B3GALT1: variants seen among roughly 807,000 people sequenced by gnomAD.
The protein encoded by B3GALT1 is beta-1,3-galactosyltransferase 1, also known as UDP-Gal:betaGlcNAc beta 1,3-galactosyltransferase, polypeptide 1.
A neutral mutation model predicts 23.2 loss-of-function variants in B3GALT1; 10 were observed. The observed-to-expected ratio is 0.43, with a 90% CI of 0.27 to 0.73. The LOEUF is 0.73. B3GALT1 is among the 30% of genes least tolerant of loss of function. B3GALT1 has a pLI of 0.21. For missense variants in B3GALT1, 299 were observed against 405.4 expected (o/e 0.74, Z 2.25); for synonymous variants, 156 against 141.5 (o/e 1.10, Z -0.73).
At chr2:167,405,034 G>A (rs1002620812) in intron 1 of B3GALT1, among the ~76,000 whole-genome samples, 9 of 152,116 alleles carry the variant, frequency 5.9e-5, no homozygotes, top group African/African-American at 1.9e-4. Context: ...ACTGCTGATT[G>A]TACATTTGTT....
intron 3 of B3GALT1, among the ~76,000 whole-genome samples, chr2:167,726,994 C>G (rs1687327042): frequency 6.6e-6 from 1 of 152,170 alleles, no homozygotes; most frequent in Admixed American, 6.5e-5. Context: ...AGGTGTAAAG[C>G]TATGTCATGA....
chr2:167,847,332 T>C (rs539177992), intron 4 of B3GALT1, among the ~76,000 whole-genome samples: 2 of 152,336 alleles, frequency 1.3e-5, no homozygotes, highest in South Asian at 4.1e-4. Context: ...GGTCATATGA[T>C]AGGCCATACA....
At chr2:167,690,794 A>C (rs1686700058) in intron 3 of B3GALT1, among the ~76,000 whole-genome samples, 1 of 152,128 alleles carries the variant, frequency 6.6e-6, no homozygotes, top group Admixed American at 6.6e-5. Context: ...TTTGATCTGA[A>C]GTAAGAATTA....
At chr2:167,681,274 C>G (rs1421993103) in intron 3 of B3GALT1, among the ~76,000 whole-genome samples, 2 of 151,854 alleles carry the variant, frequency 1.3e-5, no homozygotes, top group African/African-American at 4.8e-5. Flanking sequence ...TTAATCTATC[C>G]CAAAAATCTG....
chr2:167,793,125 A>G (rs1688476043), intron 3 of B3GALT1, among the ~76,000 whole-genome samples: 1 of 152,190 alleles, frequency 6.6e-6, no homozygotes, highest in Admixed American at 6.6e-5. Context: ...CAACTGAACA[A>G]GTCCACCAGG....
intron 4 of B3GALT1, among the ~76,000 whole-genome samples, chr2:167,825,437 GGTGTGTGT>G (rs111721100): frequency 1.4e-5 from 2 of 144,574 alleles, no homozygotes; most frequent in African/African-American, 5.2e-5. Context: ...TATATGCAGG[GGTGTGTGT>G]GTGTGTGTGT....
intron 1 of B3GALT1, among the ~76,000 whole-genome samples, chr2:167,473,352 G>C (rs912233021): frequency 1.3e-5 from 2 of 152,118 alleles, no homozygotes; most frequent in Non-Finnish European, 2.9e-5. Context: ...GTTGTTCCTT[G>C]AGAATTAAGA....
intron 2 of B3GALT1, among the ~76,000 whole-genome samples, chr2:167,526,833 A>T (rs919097410): frequency 2.6e-5 from 4 of 152,230 alleles, no homozygotes; most frequent in Admixed American, 2.6e-4. Context: ...GCAAAGAAAG[A>T]TAATATAAAT....
At chr2:167,378,483 A>G (rs111948056) in intron 1 of B3GALT1, among the ~76,000 whole-genome samples, 3 of 152,048 alleles carry the variant, frequency 2.0e-5, no homozygotes, top group African/African-American at 7.2e-5. Flanking sequence ...GTTGCCTTAA[A>G]TAATACCATA....
intron 3 of B3GALT1, among the ~76,000 whole-genome samples, chr2:167,690,893 G>A (rs917046948): frequency 6.6e-5 from 10 of 152,010 alleles, no homozygotes; most frequent in Non-Finnish European, 1.2e-4. Flanking sequence ...TTTCTAAGCA[G>A]GTGCGCCTTT....
chr2:167,437,064 T>C (rs1698797907), intron 1 of B3GALT1, among the ~76,000 whole-genome samples: 1 of 152,106 alleles, frequency 6.6e-6, no homozygotes, highest in Non-Finnish European at 1.5e-5. Context: ...GCTCCTTTCA[T>C]TGAATTTCTT....
intron 1 of B3GALT1, among the ~76,000 whole-genome samples, chr2:167,351,296 A>G (rs1697304782): frequency 6.6e-6 from 1 of 151,980 alleles, no homozygotes; most frequent in Non-Finnish European, 1.5e-5. Flanking sequence ...AAAACAAAAA[A>G]AACCACACAC....
intron 3 of B3GALT1, among the ~76,000 whole-genome samples, chr2:167,707,784 G>C (rs1175618866): frequency 1.3e-5 from 2 of 152,162 alleles, no homozygotes; most frequent in Non-Finnish European, 2.9e-5. Flanking sequence ...CCAGGGATTA[G>C]CATGTGGGCC....
At position 167,352,250 on chromosome 2, in the gene B3GALT1, A is replaced by G. The variant is rs1457516964; in HGVS notation, c.-511+58916A>G. Among the ~76,000 whole-genome samples the G allele has an allele frequency of 5.0e-5, 7 of 138,762 alleles. No individual in the cohort carries two copies. The Admixed American group carries it at 5.3e-4, about 11-fold the overall frequency. The allele number at this position is 138,762 out of a possible 152,430, so 91.0% of individuals were successfully genotyped here. A position where few individuals can be genotyped will look rare whatever the true frequency, so the allele number is the denominator to read the frequency against. On this transcript the variant is annotated intron_variant, in intron 1 of 4. Transcript: ENST00000392690. ...CCAAAGTGCTGGAATTACAGGTGTG[A>G]GCCACCATGCCTGGCCTGTTTTTTT...
At chr2:167,383,792 G>A (rs1697880022) in intron 1 of B3GALT1, among the ~76,000 whole-genome samples, 1 of 152,134 alleles carries the variant, frequency 6.6e-6, no homozygotes, top group East Asian at 1.9e-4. Flanking sequence ...GCACCTCACA[G>A]CCGTTTGCAA....
intron 1 of B3GALT1, among the ~76,000 whole-genome samples, chr2:167,381,219 C>T (rs966940734): frequency 3.9e-5 from 6 of 152,064 alleles, no homozygotes; most frequent in African/African-American, 1.4e-4. Context: ...AGGTGTGCAC[C>T]ACCATGCCTG....
At chr2:167,867,113 A>G (rs541186638) in intron 4 of B3GALT1, among the ~76,000 whole-genome samples, 15 of 152,130 alleles carry the variant, frequency 9.9e-5, no homozygotes, top group Non-Finnish European at 1.8e-4. Context: ...TTTTTAGTAG[A>G]GACGGGGTTT....
intron 2 of B3GALT1, among the ~76,000 whole-genome samples, chr2:167,551,541 G>A (rs1368906611): frequency 1.3e-5 from 2 of 152,012 alleles, no homozygotes; most frequent in African/African-American, 4.8e-5. Flanking sequence ...TGTGCAGTTT[G>A]TGTTTCACAG....
chr2:167,714,239 G>A (rs12987185), intron 3 of B3GALT1: 309,033 of 1,431,606 alleles, frequency 0.22, 40,367 homozygotes, highest in South Asian at 0.24. Context: ...TGATTGTCCT[G>A]GTGGAGGAAA....
Sources: allele counts gnomAD v4.1 joint callset (sites outside exome capture counted in the v4.1 genomes callset), GRCh38; gene constraint gnomAD v4.1.1; transcripts MANE v1.5; gene names NCBI Gene and HGNC (gene_info 2026-07-23, HGNC 2026-07-21).